MBNL2: variants seen among roughly 807,000 people sequenced by gnomAD.
The protein encoded by MBNL2 is muscleblind-like protein 2.
Under a neutral mutation model 41.9 loss-of-function variants are expected in MBNL2, and 17 were observed. The ratio of observed to expected loss-of-function variants is 0.41; its 90% CI spans 0.28 to 0.61. MBNL2 has a LOEUF of 0.61. Ranked by LOEUF, MBNL2 falls within the 20% of genes least tolerant of loss-of-function variation. The probability of loss-of-function intolerance (pLI) is 0.35; values close to 1 mark genes in which losing one functional copy is unlikely to be tolerated. For synonymous variants in MBNL2, 195 were observed against 182.9 expected (o/e 1.07, Z -0.53); for missense variants, 336 against 505.6 (o/e 0.66, Z 3.22).
intron 8 of MBNL2, among the ~76,000 whole-genome samples, chr13:97,371,654 T>C (rs932202158): frequency 1.3e-5 from 2 of 152,064 alleles, no homozygotes; most frequent in African/African-American, 4.8e-5. Context: ...GCAGATGGAT[T>C]CGAGGCGGGA....
chr13:97,326,959 T>A (rs923398681), intron 2 of MBNL2, among the ~76,000 whole-genome samples: 3 of 152,168 alleles, frequency 2.0e-5, no homozygotes, highest in Non-Finnish European at 1.5e-5. Flanking sequence ...GAGACCTGTA[T>A]AAATGGACTA....
At chr13:97,342,942 A>G (rs1021456429) in intron 3 of MBNL2, 74 bp from the exon 4 acceptor site, 2 of 908,088 alleles carry the variant, frequency 2.2e-6, no homozygotes, top group Non-Finnish European at 1.8e-6. Context: ...ATTTTGCTCA[A>G]ATGACATTTG....
rs1334514651 is a variant in MBNL2, at chr13:97,226,091, C to T, written c.-605+3560C>T. On this transcript the variant is annotated intron_variant, in intron 1 of 8. Transcript: ENST00000679496. ...CCGTGATAATATTCGTAGTAAAGAG[C>T]CAAAGGTGCTGCGTGGCTGGGTCTG... Among the ~76,000 whole-genome samples the T allele has an allele frequency of 3.3e-5, 5 of 152,050 alleles. No individual in the cohort carries two copies. In the East Asian group the frequency reaches 9.7e-4, roughly 29 times the overall value.
chr13:97,174,590 T>A, the MBNL2 span, among the ~76,000 whole-genome samples: 3 of 152,328 alleles, frequency 2.0e-5, no homozygotes, highest in Non-Finnish European at 4.4e-5. Context: ...CAATATGTGC[T>A]GCAAACCCCA....
the MBNL2 span, among the ~76,000 whole-genome samples, chr13:97,184,530 T>C: frequency 6.6e-6 from 1 of 152,092 alleles, no homozygotes; most frequent in Non-Finnish European, 1.5e-5. Context: ...TCAGTGACTA[T>C]CCGATTTCCA....
chr13:97,240,381 A>G (rs931947779), intron 1 of MBNL2, among the ~76,000 whole-genome samples: 5 of 152,178 alleles, frequency 3.3e-5, no homozygotes, highest in Non-Finnish European at 7.3e-5. Context: ...TCTTTGGGCG[A>G]TGCTTGGGAT....
chr13:97,152,052 T>A, the MBNL2 span, among the ~76,000 whole-genome samples: 1 of 152,022 alleles, frequency 6.6e-6, no homozygotes, highest in Admixed American at 6.6e-5. Flanking sequence ...AATAAAGAGA[T>A]AAAGAAATTT....
chr13:97,368,700 TTGTG>T lies in MBNL2; in HGVS notation c.1048+3553_1048+3556del, dbSNP rs140107508. Among the ~76,000 whole-genome samples, 407 of 148,354 alleles carry T rather than the reference TTGTG, an allele frequency of 2.7e-3. 4 individuals are homozygous for T. Among genetic ancestry groups the T allele is most frequent in the African/African-American group, 6.5e-3 (261 of 40,398 alleles). On this transcript the variant is annotated intron_variant, in intron 8 of 8. Coordinates refer to ENST00000679496, the MANE Select transcript of MBNL2 (RefSeq NM_001382683.1). ...AGAGATTCCATAGGTATATTCAAGT[TTGTG>T]TGTGTGTGTGTGTGTGTGTGTGTTC...
chr13:97,240,527 A>G (rs1304852867), intron 1 of MBNL2, among the ~76,000 whole-genome samples: 2 of 152,234 alleles, frequency 1.3e-5, no homozygotes, highest in Non-Finnish European at 2.9e-5. Flanking sequence ...AATGAATGCT[A>G]TAGACCCTCT....
chr13:97,235,423 G>T (rs1471755732), intron 1 of MBNL2, among the ~76,000 whole-genome samples: 1 of 152,172 alleles, frequency 6.6e-6, no homozygotes, highest in African/African-American at 2.4e-5. Context: ...TAACTGAGAG[G>T]AGTGATTATT....
intron 5 of MBNL2, among the ~76,000 whole-genome samples, chr13:97,349,546 CAG>C (rs1179731891): frequency 6.6e-6 from 1 of 152,114 alleles, no homozygotes; most frequent in East Asian, 1.9e-4. Flanking sequence ...TTTTTTGAGA[CAG>C]AGTCTTGCTC....
At position 97,346,002 on chromosome 13, in the gene MBNL2, T is replaced by C. The variant is rs576737357; in HGVS notation, c.541-802T>C. ...TAGATTATAGGTAGGTAAGCAGGTA[T>C]ATAGATAGGTAGGTAACTAGATTAG... On this transcript the variant is annotated intron_variant, in intron 4 of 8. Coordinates refer to ENST00000679496, the MANE Select transcript of MBNL2 (RefSeq NM_001382683.1). The surrounding 1 kb of genome is among the most constrained non-coding windows in gnomAD (Gnocchi z 4.2). Among the ~76,000 whole-genome samples the C allele has an allele frequency of 6.6e-6, 1 of 152,224 alleles. No individual in the cohort carries two copies. Among genetic ancestry groups the C allele is most frequent in the East Asian group, 1.9e-4 (1 of 5,186 alleles).
chr13:97,256,945 A>G (rs944265682), intron 1 of MBNL2, among the ~76,000 whole-genome samples: 1 of 152,230 alleles, frequency 6.6e-6, no homozygotes, highest in Non-Finnish European at 1.5e-5. Flanking sequence ...AGAGGGTTTC[A>G]TTGTAATCAT....
intron 5 of MBNL2, among the ~76,000 whole-genome samples, chr13:97,351,879 C>T (rs2062503540): frequency 1.3e-5 from 2 of 152,108 alleles, no homozygotes; most frequent in East Asian, 1.9e-4. Flanking sequence ...CAAAAATTAG[C>T]TGGGCATGGT....
intron 2 of MBNL2, among the ~76,000 whole-genome samples, chr13:97,303,124 G>A (rs1021005417): frequency 7.2e-5 from 11 of 152,150 alleles, no homozygotes; most frequent in Admixed American, 2.6e-4. Context: ...GAGGAATCAC[G>A]AAACCTTTCC....
chr13:97,284,071 A>G (rs1351322918), intron 2 of MBNL2, among the ~76,000 whole-genome samples: 1 of 152,198 alleles, frequency 6.6e-6, no homozygotes, highest in African/African-American at 2.4e-5. Flanking sequence ...AGAGTTAGAC[A>G]GGATCATCTC....
the MBNL2 span, among the ~76,000 whole-genome samples, chr13:97,188,389 C>G: frequency 6.6e-6 from 1 of 152,180 alleles, no homozygotes; most frequent in East Asian, 1.9e-4. Context: ...CATAATCATA[C>G]CCATCATCTC....
At chr13:97,280,679 C>T (rs1023193587) in intron 2 of MBNL2, among the ~76,000 whole-genome samples, 3 of 152,146 alleles carry the variant, frequency 2.0e-5, no homozygotes, top group African/African-American at 7.2e-5. Context: ...GACTTCATTT[C>T]TATCGCCACC....
intron 7 of MBNL2, among the ~76,000 whole-genome samples, chr13:97,362,550 G>GA (rs758494253): frequency 1.3e-5 from 2 of 152,156 alleles, no homozygotes; most frequent in Non-Finnish European, 2.9e-5. Flanking sequence ...TCAAAGAAAA[G>GA]AAAAATTAAT....
Sources: allele counts gnomAD v4.1 joint callset (sites outside exome capture counted in the v4.1 genomes callset), GRCh38; gene constraint gnomAD v4.1.1; non-coding constraint Gnocchi (gnomAD v3.1); transcripts MANE v1.5; gene names NCBI Gene and HGNC (gene_info 2026-07-23, HGNC 2026-07-21).